Variants in TRHDE observed in about 807,000 individuals in gnomAD.
The protein encoded by TRHDE is thyrotropin-releasing hormone-degrading ectoenzyme.
A neutral mutation model predicts 125.7 loss-of-function variants in TRHDE; 72 were observed. The observed-to-expected ratio is 0.57, with a 90% CI of 0.47 to 0.70. TRHDE has a LOEUF of 0.70. TRHDE is among the 30% of genes least tolerant of loss of function. The pLI is 0.00. For missense variants in TRHDE, 1,110 were observed against 1,327.1 expected (o/e 0.84, Z 2.54); for synonymous variants, 509 against 509.1 (o/e 1.00, Z 0.00).
chr12:72,522,342 T>C (rs1191452673), intron 6 of TRHDE, among the ~76,000 whole-genome samples: 1 of 152,208 alleles, frequency 6.6e-6, no homozygotes, highest in Non-Finnish European at 1.5e-5. Flanking sequence ...TGTATGTCCT[T>C]TTAAATTAAA....
At chr12:72,113,977 T>C (rs991942929) in intron 2 of TRHDE, among the ~76,000 whole-genome samples, 5 of 152,088 alleles carry the variant, frequency 3.3e-5, no homozygotes, top group Non-Finnish European at 5.9e-5. Flanking sequence ...TGTTAAGGTT[T>C]TACCTTAGAT....
At chr12:72,378,843 T>C (rs1326475992) in intron 3 of TRHDE, among the ~76,000 whole-genome samples, 1 of 152,186 alleles carries the variant, frequency 6.6e-6, no homozygotes, top group Non-Finnish European at 1.5e-5. Context: ...ATTAATTGGT[T>C]ATCTGAATTT....
At chr12:72,463,360 C>T (rs947867473) in intron 3 of TRHDE, among the ~76,000 whole-genome samples, 1 of 152,082 alleles carries the variant, frequency 6.6e-6, no homozygotes, top group Non-Finnish European at 1.5e-5. Context: ...CTCAAATTAG[C>T]TAAATAAATG....
intron 7 of TRHDE, among the ~76,000 whole-genome samples, chr12:72,549,954 T>C (rs555679395): frequency 1.1e-4 from 16 of 151,948 alleles, no homozygotes; most frequent in African/African-American, 3.1e-4. Context: ...AAAAAACTCG[T>C]ATTTTTAGAG....
At chr12:72,595,607 ATTAAAATGTGCAGTGGTTAAG>A (rs1465288855) in intron 12 of TRHDE, among the ~76,000 whole-genome samples, 1 of 152,124 alleles carries the variant, frequency 6.6e-6, no homozygotes, top group Non-Finnish European at 1.5e-5. Flanking sequence ...AAAAATTTTA[ATTAAAATGTGCAGTGGTTAAG>A]TTCACTGACT....
intron 3 of TRHDE, among the ~76,000 whole-genome samples, chr12:72,458,272 G>A (rs1875956995): frequency 6.6e-6 from 1 of 152,108 alleles, no homozygotes; most frequent in Non-Finnish European, 1.5e-5. Context: ...TATATTGCCG[G>A]TGTTTTATAA....
intron 3 of TRHDE, among the ~76,000 whole-genome samples, chr12:72,448,348 A>C (rs1380137031): frequency 6.6e-6 from 1 of 152,092 alleles, no homozygotes; most frequent in Non-Finnish European, 1.5e-5. Context: ...TTGGGCTAGC[A>C]ATAAGGCTCT....
chr12:72,491,264 G>C (rs1407692161), intron 5 of TRHDE, among the ~76,000 whole-genome samples: 3 of 151,760 alleles, frequency 2.0e-5, no homozygotes, highest in Non-Finnish European at 4.4e-5. Context: ...GTGATTTTTT[G>C]GGCCGCGAGA....
At chr12:72,525,621 G>T (rs1868318739) in intron 6 of TRHDE, among the ~76,000 whole-genome samples, 1 of 148,392 alleles carries the variant, frequency 6.7e-6, no homozygotes, top group Non-Finnish European at 1.5e-5. Context: ...GTGTGTGTGT[G>T]TGTGTGTGTG....
intron 15 of TRHDE, among the ~76,000 whole-genome samples, chr12:72,625,375 T>TA (rs1427206746): frequency 1.3e-5 from 2 of 151,658 alleles, no homozygotes; most frequent in African/African-American, 2.4e-5. Flanking sequence ...TCACTATACT[T>TA]AAAAAAATAC....
chr12:72,097,198 C>T (rs1378053404), intron 1 of TRHDE, among the ~76,000 whole-genome samples: 1 of 152,080 alleles, frequency 6.6e-6, no homozygotes, highest in East Asian at 1.9e-4. Context: ...CCAATTTGAA[C>T]AAATTGTGTC....
intron 12 of TRHDE, among the ~76,000 whole-genome samples, chr12:72,585,866 ATTAG>A (rs1275436129): frequency 6.6e-6 from 1 of 152,216 alleles, no homozygotes; most frequent in Non-Finnish European, 1.5e-5. Context: ...TCTTATTATG[ATTAG>A]TTAAACTCTA....
At chr12:72,368,660 A>G (rs922729912) in intron 2 of TRHDE, among the ~76,000 whole-genome samples, 1 of 152,202 alleles carries the variant, frequency 6.6e-6, no homozygotes, top group Non-Finnish European at 1.5e-5. Flanking sequence ...GACACTCAGC[A>G]TGTGAATAGT....
chr12:72,530,399 A>C (rs1361475922), intron 6 of TRHDE, among the ~76,000 whole-genome samples: 2 of 58,238 alleles, frequency 3.4e-5, no homozygotes, highest in Non-Finnish European at 6.9e-5. Flanking sequence ...CACTTTCTTC[A>C]TTTTGTTTCC....
At chr12:72,201,979 CTG>C (rs1353973163) in intron 2 of TRHDE, among the ~76,000 whole-genome samples, 10 of 151,956 alleles carry the variant, frequency 6.6e-5, no homozygotes, top group Admixed American at 2.0e-4. Context: ...TTCCAGAACT[CTG>C]TCTTATTAAT....
intron 12 of TRHDE, among the ~76,000 whole-genome samples, chr12:72,585,509 A>T (rs1031108213): frequency 4.6e-5 from 7 of 152,222 alleles, no homozygotes; most frequent in African/African-American, 1.7e-4. Flanking sequence ...TGATCTTCTG[A>T]ACCGACCCCT....
intron 10 of TRHDE, among the ~76,000 whole-genome samples, chr12:72,570,483 A>C (rs1235072153): frequency 1.4e-5 from 2 of 147,800 alleles, no homozygotes; most frequent in African/African-American, 4.9e-5. Flanking sequence ...CGGTAGACTG[A>C]GGCAGGAGAA....
At chr12:72,489,921 C>T (rs1290511805) in intron 5 of TRHDE, among the ~76,000 whole-genome samples, 1 of 151,834 alleles carries the variant, frequency 6.6e-6, no homozygotes, top group Non-Finnish European at 1.5e-5. Flanking sequence ...AACTCTTGGA[C>T]ATTGTTGTTA....
At chr12:72,593,982 G>T (rs929413414) in intron 12 of TRHDE, among the ~76,000 whole-genome samples, 2 of 152,156 alleles carry the variant, frequency 1.3e-5, no homozygotes, top group African/African-American at 4.8e-5. Context: ...ACATACCTGT[G>T]CATGTGTCTT....
Sources: allele counts gnomAD v4.1 joint callset (sites outside exome capture counted in the v4.1 genomes callset), GRCh38; gene constraint gnomAD v4.1.1; transcripts MANE v1.5; gene names NCBI Gene and HGNC (gene_info 2026-07-23, HGNC 2026-07-21).